Variants in UNC80 observed in about 807,000 individuals in gnomAD.
UNC80 encodes the protein protein unc-80 homolog.
Under a neutral mutation model 384.6 loss-of-function variants are expected in UNC80, and 164 were observed. The ratio of observed to expected loss-of-function variants is 0.43; its 90% CI spans 0.38 to 0.49. UNC80 has a LOEUF of 0.49. Ranked by LOEUF, UNC80 falls within the 20% of genes least tolerant of loss-of-function variation. UNC80 has a pLI of 0.00. For missense variants in UNC80, 3,330 were observed against 4,143.0 expected (o/e 0.80, Z 5.39); for synonymous variants, 1,486 against 1,527.8 (o/e 0.97, Z 0.64).
chr2:209,950,464 G>C (rs538569149), intron 47 of UNC80, among the ~76,000 whole-genome samples: 1 of 150,824 alleles, frequency 6.6e-6, no homozygotes, highest in African/African-American at 2.4e-5. Flanking sequence ...TTCCCTTTAC[G>C]AATAACCAGT....
At chr2:209,896,615 T>G (rs964662584) in intron 28 of UNC80, among the ~76,000 whole-genome samples, 1 of 152,202 alleles carries the variant, frequency 6.6e-6, no homozygotes, top group Non-Finnish European at 1.5e-5. Context: ...TAAGCTTAAC[T>G]AAGACCAAGT....
In UNC80 at chr2:209,902,077, A is replaced by G. The variant is rs180914340; in HGVS notation, c.4582-2688A>G. Reference sequence around the variant, plus strand: ...GTCATTAAGAACATTTGTGATTCATAAGAGGAGATCAAATATCAACATTAA... The same window carrying G: ...GTCATTAAGAACATTTGTGATTCATGAGAGGAGATCAAATATCAACATTAA... On this transcript the variant is annotated intron_variant, in intron 28 of 64. Coordinates refer to ENST00000673920, the MANE Select transcript of UNC80 (RefSeq NM_001371986.1). Among the ~76,000 whole-genome samples the G allele has an allele frequency of 3.0e-4, 46 of 152,296 alleles. 1 individual carries two copies. In the East Asian group the frequency reaches 8.3e-3, roughly 27 times the overall value.
chr2:209,908,457 C>A (rs767116733), intron 29 of UNC80, among the ~76,000 whole-genome samples: 1 of 152,150 alleles, frequency 6.6e-6, no homozygotes, highest in Non-Finnish European at 1.5e-5. Context: ...GTATATATCA[C>A]CTTTACCAAA....
intron 14 of UNC80, 152 bp from the exon 15 acceptor site, chr2:209,829,080 A>G (rs2080763275): frequency 7.6e-6 from 6 of 786,294 alleles, no homozygotes; most frequent in Non-Finnish European, 9.9e-6. Flanking sequence ...CTCACATCTT[A>G]CTCAGACAAG....
At chr2:209,948,613 T>G (rs1228754514) in intron 47 of UNC80, among the ~76,000 whole-genome samples, 3 of 152,208 alleles carry the variant, frequency 2.0e-5, no homozygotes, top group Non-Finnish European at 4.4e-5. Context: ...TTGTATTTTA[T>G]CCTTTCAAAT....
chr2:209,817,226 G>A (rs941620170), intron 10 of UNC80, 101 bp downstream of exon 10: 3 of 1,189,018 alleles, frequency 2.5e-6, no homozygotes, highest in South Asian at 3.0e-5. Context: ...GAACAATTCA[G>A]CCAAGAAATT....
intron 24 of UNC80, among the ~76,000 whole-genome samples, chr2:209,879,584 C>T (rs1441536910): frequency 1.3e-5 from 2 of 151,992 alleles, no homozygotes; most frequent in Non-Finnish European, 2.9e-5. Context: ...AACGGCAGAC[C>T]CAAAAGTCTA....
intron 4 of UNC80, among the ~76,000 whole-genome samples, chr2:209,783,906 A>G (rs756702884): frequency 5.9e-5 from 9 of 152,116 alleles, no homozygotes; most frequent in Non-Finnish European, 1.2e-4. Flanking sequence ...CCTCGTGTCC[A>G]TTTCAAGGGA....
At chr2:209,817,993 C>CT (rs1289434198) in intron 11 of UNC80, 41 bp downstream of exon 11, 3 of 1,547,860 alleles carry the variant, frequency 1.9e-6, no homozygotes, top group African/African-American at 2.7e-5. Context: ...GTTCAGAGTT[C>CT]TTTTTTTGTT....
At position 209,937,392 on chromosome 2, in the gene UNC80, T is replaced by G. The variant is rs895366831; in HGVS notation, c.6364-137T>G. The G allele has an allele frequency of 6.2e-6, 4 of 641,208 alleles. No individual in the cohort carries two copies. In the African/African-American group the frequency reaches 7.3e-5, roughly 12 times the overall value. The allele number at this position is 641,208 out of a possible 1,614,324, so 39.7% of individuals were successfully genotyped here. A position where few individuals can be genotyped will look rare whatever the true frequency, so the allele number is the denominator to read the frequency against. ...CACTTTACAGTGATCTTCCAGAGTG[T>G]TGTTTAGTACATTGCCTTTAGCTGC... On this transcript the variant is annotated intron_variant, in intron 41 of 64. Coordinates refer to ENST00000673920, the MANE Select transcript of UNC80 (RefSeq NM_001371986.1).
At chr2:209,952,122 A>T (rs79984021) in intron 47 of UNC80, among the ~76,000 whole-genome samples, 22,409 of 152,228 alleles carry the variant, frequency 0.15, 2,091 homozygotes, top group East Asian at 0.22. Context: ...ATTGTTTCAT[A>T]AAAGTCTGTG....
chr2:209,941,093 A>G, intron 43 of UNC80, 128 bp from the exon 44 acceptor site: 1 of 1,213,418 alleles, frequency 8.2e-7, no homozygotes, highest in Non-Finnish European at 1.1e-6. Flanking sequence ...AAAACATTTC[A>G]GCAGTAGATC....
At position 209,997,070 on chromosome 2, in the gene UNC80, ATTAT is replaced by A. The variant is rs1239809313; in HGVS notation, c.*1478_*1481del. ...AAACCCACCTTAATCATAAAGGAAAATTATTTTTTGTTAGAATTGCTTATTAAAT... is the reference window on the plus strand; with the variant it reads ...AAACCCACCTTAATCATAAAGGAAAATTTTTGTTAGAATTGCTTATTAAAT... On this transcript the variant is annotated 3_prime_UTR_variant, in exon 65 of 65. Coordinates refer to ENST00000673920, the MANE Select transcript of UNC80 (RefSeq NM_001371986.1). 6.6e-6 allele frequency: 1 copy of A among 152,154 alleles called. No homozygotes were observed. The allele number at this position is 152,154 out of a possible 1,614,324, so 9.4% of individuals were successfully genotyped here. A position where few individuals can be genotyped will look rare whatever the true frequency, so the allele number is the denominator to read the frequency against.
chr2:209,970,152 T>A, intron 53 of UNC80: 1 of 427,238 alleles, frequency 2.3e-6, no homozygotes, highest in Non-Finnish European at 4.2e-6. Context: ...CAAGTTGCGC[T>A]GAGAGTTGAG....
chr2:209,867,287 C>G (rs565916769), intron 22 of UNC80, among the ~76,000 whole-genome samples: 109 of 152,232 alleles, frequency 7.2e-4, no homozygotes, highest in African/African-American at 2.5e-3. Flanking sequence ...TAAGTGACGC[C>G]TAGGCTCAAA....
Position 209,962,814 on chromosome 2 carries a change from C to G in UNC80, c.7805+3107C>G, listed in dbSNP as rs933654186. On this transcript the variant is annotated intron_variant, in intron 51 of 64. Coordinates refer to ENST00000673920, the MANE Select transcript of UNC80 (RefSeq NM_001371986.1). The stretch of plus-strand genomic sequence containing the variant: ...CTAAGCAAAGGATGTAATTAAGGCT[C>G]TCCTATAAGTTAAGTGCGCACTTGA... Among the ~76,000 whole-genome samples, 10 of 152,124 alleles carry G rather than the reference C, an allele frequency of 6.6e-5. No homozygotes were observed. The South Asian group carries it at 1.2e-3, about 19-fold the overall frequency.
chr2:209,837,726 T>A (rs1428669332), intron 18 of UNC80, among the ~76,000 whole-genome samples: 1 of 152,162 alleles, frequency 6.6e-6, no homozygotes, highest in East Asian at 1.9e-4. Flanking sequence ...CTTTTTAAAG[T>A]TGACCAATAA....
chr2:209,949,093 G>A (rs1163312998), intron 47 of UNC80, among the ~76,000 whole-genome samples: 1 of 152,008 alleles, frequency 6.6e-6, no homozygotes, highest in Non-Finnish European at 1.5e-5. Context: ...GCTAGATTTG[G>A]TTTGCAATTA....
rs960309359 is a variant in UNC80, at chr2:209,829,348, G to A, written c.2595G>A (p.Leu865=). The part of the protein sequence containing the change: ...LNNVVDFLHA[L]LGFCMEPVTD... ...ATGTAGTGGACTTCTTGCATGCTTT[G>A]CTAGGATTTTGTATGGAGCCGGTCA... Residue 865 remains leucine, a synonymous_variant, in exon 15 of 65, where the codon TTG becomes TTA. Transcript: ENST00000673920. 1.5e-5 allele frequency: 24 copies of A among 1,551,174 alleles called. No individual in the cohort carries two copies. In the Admixed American group the frequency reaches 3.3e-4, roughly 22 times the overall value.
Sources: allele counts gnomAD v4.1 joint callset (sites outside exome capture counted in the v4.1 genomes callset), GRCh38; gene constraint gnomAD v4.1.1; transcripts MANE v1.5; gene names NCBI Gene and HGNC (gene_info 2026-07-23, HGNC 2026-07-21).